DPP10: variants seen among roughly 807,000 people sequenced by gnomAD.
DPP10 encodes the protein dipeptidyl peptidase like 10, also known as inactive dipeptidyl peptidase 10.
DPP10 carries 33 observed loss-of-function variants against 120.9 expected under a neutral mutation model. The ratio of observed to expected loss-of-function variants is 0.27; its 90% confidence interval spans 0.21 to 0.37. The LOEUF is 0.37. DPP10 is among the 10% of genes least tolerant of loss of function. DPP10 has a pLI of 1.00. For missense variants in DPP10, 816 were observed against 942.8 expected, an observed-to-expected ratio of 0.87 and a Z score of 1.76; for synonymous variants, 337 against 326.1, an observed-to-expected ratio of 1.03 and a Z score of -0.36.
At position 115,509,562 on chromosome 2, in the gene DPP10, G is replaced by A. The variant is rs574169784; in HGVS notation, c.366+9958G>A. Among the ~76,000 whole-genome samples the A allele has an allele frequency of 2.6e-5, 4 of 152,126 alleles. No individual in the cohort carries two copies. The South Asian group carries it at 8.3e-4, about 32-fold the overall frequency. ...ATTTCTTGATTCAAATGTGAAAAATGAACCTTTAAGTTAAAAATAGTCTCC... is the reference window on the plus strand; with the variant it reads ...ATTTCTTGATTCAAATGTGAAAAATAAACCTTTAAGTTAAAAATAGTCTCC... On this transcript the variant is annotated intron_variant, in intron 4 of 25. Transcript: ENST00000410059.
intron 21 of DPP10, among the ~76,000 whole-genome samples, chr2:115,819,031 C>A (rs989210834): frequency 1.3e-5 from 2 of 152,120 alleles, no homozygotes; most frequent in South Asian, 2.1e-4. Context: ...CCTTGCGATT[C>A]TTTTTTCTTG....
At chr2:115,456,522 G>A (rs565981827) in intron 3 of DPP10, among the ~76,000 whole-genome samples, 89 of 152,072 alleles carry the variant, frequency 5.9e-4, no homozygotes, top group Non-Finnish European at 1.0e-3. Context: ...TATGTTTATT[G>A]TGGCACTATT....
rs908536432 is a variant in DPP10 at position 114,587,434 on chromosome 2, AT to A, written c.60+144606del. Among the ~76,000 whole-genome samples, 51 of 150,094 alleles carry A rather than the reference AT, an allele frequency of 3.4e-4. 1 individual carries two copies. The highest frequency in any genetic ancestry group is 8.3e-4 in the African/African-American group (34 of 40,890). ...TAGGTCTTTGATCATTTTTAAACTGATTTTTTTTTTCATAGAATAGGATCTA... is the reference window on the plus strand; with the variant it reads ...TAGGTCTTTGATCATTTTTAAACTGATTTTTTTTTCATAGAATAGGATCTA... On this transcript the variant is annotated intron_variant, in intron 1 of 25. Transcript: ENST00000410059.
At chr2:114,779,987 T>G (rs1682155271) in intron 1 of DPP10, among the ~76,000 whole-genome samples, 1 of 151,794 alleles carries the variant, frequency 6.6e-6, no homozygotes, top group South Asian at 2.1e-4. Flanking sequence ...ATACAAAAAA[T>G]AAGCCGGGTG....
intron 1 of DPP10, among the ~76,000 whole-genome samples, chr2:115,049,756 C>T (rs1051317735): frequency 6.6e-6 from 1 of 152,164 alleles, no homozygotes; most frequent in Admixed American, 6.6e-5. Context: ...ACTCTTCTTC[C>T]TAGTTTTAAC....
At chr2:115,467,820 A>C (rs915666665) in intron 3 of DPP10, among the ~76,000 whole-genome samples, 4 of 152,216 alleles carry the variant, frequency 2.6e-5, no homozygotes, top group African/African-American at 9.6e-5. Context: ...CTTGTGAAGC[A>C]AAATTTATAG....
intron 4 of DPP10, among the ~76,000 whole-genome samples, chr2:115,524,770 G>T (rs1332684902): frequency 6.6e-6 from 1 of 152,072 alleles, no homozygotes; most frequent in Admixed American, 6.6e-5. Context: ...GCATGAAATC[G>T]AATAAAGTGC....
At chr2:115,010,672 T>C (rs184664125) in intron 1 of DPP10, among the ~76,000 whole-genome samples, 2 of 152,306 alleles carry the variant, frequency 1.3e-5, no homozygotes, top group South Asian at 2.1e-4. Context: ...TATCTGGAAA[T>C]GGCATTGAGA....
intron 5 of DPP10, among the ~76,000 whole-genome samples, chr2:115,641,855 G>A (rs1558967065): frequency 2.0e-5 from 3 of 152,094 alleles, no homozygotes; most frequent in African/African-American, 4.8e-5. Context: ...TTTCATATAC[G>A]ATAGTGTTAC....
chr2:115,545,299 G>T (rs1399825082), intron 5 of DPP10, among the ~76,000 whole-genome samples: 1 of 152,060 alleles, frequency 6.6e-6, no homozygotes, highest in African/African-American at 2.4e-5. Context: ...TATTAAATAT[G>T]AGGAAATGCG....
chr2:114,635,955 T>A (rs1695271512), intron 1 of DPP10, among the ~76,000 whole-genome samples: 1 of 151,538 alleles, frequency 6.6e-6, no homozygotes, highest in Non-Finnish European at 1.5e-5. Context: ...ACATCTATAA[T>A]TACTGAGAAG....
In DPP10 at chr2:114,705,846, T is replaced by C. The variant is rs554809747; in HGVS notation, c.60+263008T>C. On this transcript the variant is annotated intron_variant, in intron 1 of 25. Coordinates refer to ENST00000410059, the MANE Select transcript of DPP10 (RefSeq NM_020868.6). ...AAGAAGATTGAAACTATGCTTCAGG[T>C]GTGGGTTGATCATGGTGGCAATTCC... is the stretch of plus-strand genomic sequence containing the variant. Among the ~76,000 whole-genome samples the C allele has an allele frequency of 3.9e-5, 6 of 152,208 alleles. No homozygotes were observed. In the South Asian group the frequency reaches 1.2e-3, roughly 32 times the overall value.
In DPP10 at chr2:114,745,695, G is replaced by A. The variant is rs114321894; in HGVS notation, c.60+302857G>A. Among the ~76,000 whole-genome samples the A allele has an allele frequency of 3.3e-5, 5 of 152,100 alleles. 1 individual carries two copies. Among genetic ancestry groups the A allele is most frequent in the African/African-American group, 9.7e-5 (4 of 41,402 alleles). ...GCTTTCCGTCTGTTTATAGAGTCAC[G>A]GACAAAGACAAGTGTCTACAGAAAC... is the stretch of plus-strand genomic sequence containing the variant. On this transcript the variant is annotated intron_variant, in intron 1 of 25. Coordinates refer to ENST00000410059, the MANE Select transcript of DPP10 (RefSeq NM_020868.6).
At chr2:114,885,747 T>C (rs1692017564) in intron 1 of DPP10, among the ~76,000 whole-genome samples, 1 of 152,198 alleles carries the variant, frequency 6.6e-6, no homozygotes, top group East Asian at 1.9e-4. Context: ...TCAGGAAATA[T>C]ATTCATGCTA....
chr2:115,104,880 C>A (rs1008121605), intron 1 of DPP10, among the ~76,000 whole-genome samples: 3 of 152,080 alleles, frequency 2.0e-5, no homozygotes, highest in Non-Finnish European at 4.4e-5. Context: ...GAGGCACGCA[C>A]CTGTAGTCCC....
intron 7 of DPP10, among the ~76,000 whole-genome samples, chr2:115,704,531 C>T (rs746422249): frequency 7.2e-5 from 11 of 151,788 alleles, no homozygotes; most frequent in African/African-American, 1.2e-4. Context: ...TACTGTAGCT[C>T]AAGGCAAAAT....
chr2:114,601,397 T>C (rs533336560), intron 1 of DPP10, among the ~76,000 whole-genome samples: 14 of 152,052 alleles, frequency 9.2e-5, no homozygotes, highest in Admixed American at 8.5e-4. Flanking sequence ...GTTCTTTCTG[T>C]AAGGAATGAG....
intron 1 of DPP10, among the ~76,000 whole-genome samples, chr2:114,914,763 A>T (rs151019721): frequency 1.3e-5 from 2 of 152,336 alleles, no homozygotes; most frequent in East Asian, 3.9e-4. Flanking sequence ...GGCAAACAGG[A>T]TAATAAAACA....
intron 1 of DPP10, among the ~76,000 whole-genome samples, chr2:114,621,687 C>G (rs1694103435): frequency 1.3e-5 from 2 of 151,906 alleles, no homozygotes; most frequent in South Asian, 4.1e-4. Flanking sequence ...CATGAAACCT[C>G]TCTCCTTGTA....
Sources: allele counts gnomAD v4.1 joint callset (sites outside exome capture counted in the v4.1 genomes callset), GRCh38; gene constraint gnomAD v4.1.1; transcripts MANE v1.5; gene names NCBI Gene and HGNC (gene_info 2026-07-23, HGNC 2026-07-21).